GASK1B: variants seen among roughly 807,000 people sequenced by gnomAD.
GASK1B encodes the protein Golgi-associated kinase 1B.
In GASK1B, 34 loss-of-function variants were observed where a neutral mutation model predicts 42.8. The ratio of observed to expected loss-of-function variants is 0.79; its 90% CI spans 0.60 to 1.06. GASK1B has a LOEUF of 1.06. Among genes scored for constraint, GASK1B ranks in the 50% least tolerant of loss-of-function variants. The pLI is 0.00. For synonymous variants in GASK1B, 262 were observed against 259.1 expected (o/e 1.01, Z -0.11); for missense variants, 686 against 661.0 (o/e 1.04, Z -0.42).
chr4:158,135,378 T>C (rs1730848783), intron 3 of GASK1B, among the ~76,000 whole-genome samples: 1 of 142,946 alleles, frequency 7.0e-6, no homozygotes, highest in African/African-American at 2.6e-5. Flanking sequence ...ATATATAAAA[T>C]GCTGCTAATA....
At chr4:158,129,172 C>T (rs897207146) in intron 4 of GASK1B, among the ~76,000 whole-genome samples, 3 of 152,148 alleles carry the variant, frequency 2.0e-5, no homozygotes, top group African/African-American at 7.2e-5. Context: ...CATTACTCCT[C>T]ATAATGCATT....
intron 4 of GASK1B, among the ~76,000 whole-genome samples, chr4:158,129,124 T>C (rs1229652821): frequency 6.6e-6 from 1 of 152,204 alleles, no homozygotes; most frequent in East Asian, 1.9e-4. Flanking sequence ...CTTTTCAATG[T>C]GTGAATTATA....
chr4:158,136,723 A>G (rs1730905738), intron 3 of GASK1B, among the ~76,000 whole-genome samples: 1 of 152,192 alleles, frequency 6.6e-6, no homozygotes, highest in Admixed American at 6.5e-5. Flanking sequence ...GTAAGTCAGC[A>G]TCTTAAGATC....
chr4:158,163,511 G>T (rs563822925), intron 2 of GASK1B, among the ~76,000 whole-genome samples: 1 of 151,682 alleles, frequency 6.6e-6, no homozygotes, highest in East Asian at 1.9e-4. Context: ...AGAGGTTGCA[G>T]TGAGCTGAGA....
rs1730459135 is a variant in GASK1B, at chr4:158,126,499, A to T, written c.*908T>A. 6.6e-6 allele frequency: 1 copy of T among 152,138 alleles called. No homozygotes were observed. Among genetic ancestry groups the T allele is most frequent in the Admixed American group, 6.6e-5 (1 of 15,264 alleles). 9.4% of individuals were successfully genotyped at this position (152,138 alleles called of 1,614,324 possible). A position where few individuals can be genotyped will look rare whatever the true frequency, so the allele number is the denominator to read the frequency against. On this transcript the variant is annotated 3_prime_UTR_variant, in exon 5 of 5. Transcript: ENST00000585682. ...ATTAAATCAAATTAAATATAAGTAC[A>T]TAGAACAAATTTTAAGGAATTCACT... is the stretch of plus-strand genomic sequence containing the variant.
chr4:158,139,166 C>T (rs1731020812), intron 3 of GASK1B, among the ~76,000 whole-genome samples: 1 of 152,162 alleles, frequency 6.6e-6, no homozygotes, highest in Non-Finnish European at 1.5e-5. Flanking sequence ...AAACATCCGC[C>T]TGCCTACCAC....
intron 3 of GASK1B, among the ~76,000 whole-genome samples, chr4:158,151,081 T>C (rs1273766349): frequency 2.6e-5 from 4 of 152,192 alleles, no homozygotes; most frequent in Admixed American, 2.6e-4. Context: ...AGATACTAGT[T>C]AACAATGCAA....
At chr4:158,134,325 C>T (rs1665964173) in intron 3 of GASK1B, among the ~76,000 whole-genome samples, 1 of 152,164 alleles carries the variant, frequency 6.6e-6, no homozygotes, top group Non-Finnish European at 1.5e-5. Context: ...TTTTAATATA[C>T]TTGTTTAGTG....
rs1168496785 is a variant in GASK1B, at chr4:158,170,722, T to G, written c.654A>C (p.Lys218Asn). 1.4e-5 allele frequency: 23 copies of G among 1,614,102 alleles called. No homozygotes were observed. Among genetic ancestry groups the G allele is most frequent in the Non-Finnish European group, 1.9e-5 (23 of 1,180,044 alleles). Residue 218 changes from lysine to asparagine, a missense_variant, in exon 2 of 5, where the codon AAA becomes AAC. Physicochemically the swap from Lys to Asn is moderately conservative, Grantham distance 94. Transcript: ENST00000585682. ...YSESAPSWLS[K>N]DDIRRMRLLA... Reference sequence around the variant, plus strand: ...AGAGTCGCATTCTTCGGATGTCATCTTTGCTCAGCCAGGAGGGGGCGCTCT... The same window carrying G: ...AGAGTCGCATTCTTCGGATGTCATCGTTGCTCAGCCAGGAGGGGGCGCTCT...
intron 2 of GASK1B, among the ~76,000 whole-genome samples, chr4:158,160,614 G>A (rs911753473): frequency 6.6e-5 from 10 of 152,088 alleles, no homozygotes; most frequent in African/African-American, 2.2e-4. Context: ...CTATCCAAAG[G>A]AATTGAAATC....
At chr4:158,143,484 A>G (rs1270643811) in intron 3 of GASK1B, among the ~76,000 whole-genome samples, 2 of 152,176 alleles carry the variant, frequency 1.3e-5, no homozygotes, top group Non-Finnish European at 2.9e-5. Context: ...AAGACCAAAG[A>G]CCAGGAGATT....
intron 2 of GASK1B, chr4:158,159,447 C>A (rs1342775905): frequency 4.9e-6 from 2 of 408,406 alleles, no homozygotes; most frequent in Non-Finnish European, 9.5e-6. Context: ...ATTAAATGAA[C>A]CTGGATGGAT....
At chr4:158,140,532 A>G (rs1324146236) in intron 3 of GASK1B, among the ~76,000 whole-genome samples, 1 of 152,294 alleles carries the variant, frequency 6.6e-6, no homozygotes, top group African/African-American at 2.4e-5. Context: ...AGATGTTCCT[A>G]TGAAAACACT....
chr4:158,133,816 T>A (rs1231393375), intron 3 of GASK1B, among the ~76,000 whole-genome samples: 3 of 152,222 alleles, frequency 2.0e-5, no homozygotes, highest in Non-Finnish European at 4.4e-5. Flanking sequence ...AAAACAGGTG[T>A]GTGCATTCAG....
At position 158,162,078 on chromosome 4, in the gene GASK1B, T is replaced by G. The variant is rs181596759; in HGVS notation, c.911-6253A>C. On this transcript the variant is annotated intron_variant, in intron 2 of 4. Coordinates refer to ENST00000585682, the MANE Select transcript of GASK1B (RefSeq NM_001128424.2). ...CACACGTTTTTCATAGTCTATTCTC[T>G]CTATACTTTCTGCACCCATCCCATC... 1.6e-4 allele frequency among the ~76,000 whole-genome samples: 25 copies of G among 152,278 alleles called. 1 individual carries two copies. The highest frequency in any genetic ancestry group is 1.5e-3 in the Admixed American group (23 of 15,292).
At chr4:158,142,763 C>A (rs1731185696) in intron 3 of GASK1B, among the ~76,000 whole-genome samples, 1 of 152,260 alleles carries the variant, frequency 6.6e-6, no homozygotes, top group East Asian at 1.9e-4. Flanking sequence ...TAAATTTGAT[C>A]ATCAATTCAG....
chr4:158,171,390 C>T lies in GASK1B; in HGVS notation c.-15G>A. 2 of 1,541,382 alleles carry T rather than the reference C, an allele frequency of 1.3e-6. No individual in the cohort carries two copies. The highest frequency in any genetic ancestry group is 8.8e-7 in the Non-Finnish European group (1 of 1,141,038). ...GGACAGGTCATTTCTCTGCCGCATCCACATGTTGAACGGAGTTTAAAGTCT... is the reference window on the plus strand; with the variant it reads ...GGACAGGTCATTTCTCTGCCGCATCTACATGTTGAACGGAGTTTAAAGTCT... On this transcript the variant is annotated 5_prime_UTR_variant, in exon 2 of 5. An upstream open reading frame in the 5' UTR gains an earlier in-frame stop. Transcript: ENST00000585682.
intron 3 of GASK1B, among the ~76,000 whole-genome samples, chr4:158,137,617 A>G (rs7671094): frequency 0.92 from 140,427 of 152,128 alleles, 65,130 homozygotes; most frequent in East Asian, 0.98. Context: ...CTAGATTGTA[A>G]AGAATGCAAC....
At chr4:158,138,366 A>T (rs532698793) in intron 3 of GASK1B, among the ~76,000 whole-genome samples, 90 of 152,262 alleles carry the variant, frequency 5.9e-4, no homozygotes, top group African/African-American at 2.0e-3. Context: ...CTAAAAAAAA[A>T]TTTTTGCATT....
Sources: allele counts gnomAD v4.1 joint callset (sites outside exome capture counted in the v4.1 genomes callset), GRCh38; gene constraint gnomAD v4.1.1; transcripts MANE v1.5; gene names NCBI Gene and HGNC (gene_info 2026-07-23, HGNC 2026-07-21).